SYT1: variants seen among roughly 807,000 people sequenced by gnomAD.
The protein encoded by SYT1 is synaptotagmin 1.
A neutral mutation model predicts 44.8 loss-of-function variants in SYT1; 8 were observed. The ratio of observed to expected loss-of-function variants is 0.18; its 90% CI spans 0.10 to 0.32. SYT1 has a LOEUF of 0.32. SYT1 is among the 10% of genes least tolerant of loss of function. The pLI, the probability that SYT1 is intolerant of heterozygous loss-of-function variation, is 1.00. For missense variants in SYT1, 286 were observed against 509.3 expected (o/e 0.56, Z 4.22); for synonymous variants, 154 against 188.8 (o/e 0.82, Z 1.51).
At chr12:79,290,787 G>A (rs895370804) in intron 5 of SYT1, among the ~76,000 whole-genome samples, 3 of 152,000 alleles carry the variant, frequency 2.0e-5, no homozygotes, top group African/African-American at 7.2e-5. Context: ...AAAATACAAA[G>A]AGCCTTTGCA....
At chr12:79,093,029 A>C (rs531271119) in intron 3 of SYT1, among the ~76,000 whole-genome samples, 1 of 151,910 alleles carries the variant, frequency 6.6e-6, no homozygotes, top group East Asian at 1.9e-4. Flanking sequence ...ATATCTATAA[A>C]ATTATAACTC....
chr12:79,437,809 G>A (rs1022985986), intron 9 of SYT1, among the ~76,000 whole-genome samples: 1 of 152,184 alleles, frequency 6.6e-6, no homozygotes, highest in Non-Finnish European at 1.5e-5. Context: ...AGCATAGGTT[G>A]CATTGTAGAG....
intron 3 of SYT1, among the ~76,000 whole-genome samples, chr12:79,108,616 A>T (rs552632185): frequency 1.3e-5 from 2 of 152,154 alleles, no homozygotes; most frequent in Admixed American, 6.5e-5. Flanking sequence ...ATGCATTTTT[A>T]CTTTCCTTCT....
chr12:79,271,735 A>G (rs1002553670), intron 4 of SYT1, among the ~76,000 whole-genome samples: 1 of 152,192 alleles, frequency 6.6e-6, no homozygotes, highest in Non-Finnish European at 1.5e-5. Flanking sequence ...TCAACAAAAG[A>G]CTTGCTAATA....
chr12:79,293,804 C>T (rs1033109785), intron 6 of SYT1, among the ~76,000 whole-genome samples: 3 of 152,114 alleles, frequency 2.0e-5, no homozygotes, highest in African/African-American at 4.8e-5. Context: ...ATAGCCCTGG[C>T]TAGTTATTAC....
intron 2 of SYT1, among the ~76,000 whole-genome samples, chr12:79,033,651 A>G (rs1872954286): frequency 6.6e-6 from 1 of 151,416 alleles, no homozygotes. Context: ...TCATGGCTTC[A>G]TAAGTACTCC....
intron 1 of SYT1, among the ~76,000 whole-genome samples, chr12:78,904,760 G>A (rs1186881782): frequency 6.6e-6 from 1 of 151,988 alleles, no homozygotes; most frequent in Non-Finnish European, 1.5e-5. Flanking sequence ...GACATTCTTA[G>A]TGTTCTAATA....
intron 3 of SYT1, among the ~76,000 whole-genome samples, chr12:79,206,016 C>T (rs1005632407): frequency 1.3e-5 from 2 of 151,992 alleles, no homozygotes; most frequent in Non-Finnish European, 1.5e-5. Flanking sequence ...TTTTATATAG[C>T]ACTAAGGAAG....
chr12:79,301,500 T>C (rs1461901314), intron 8 of SYT1, among the ~76,000 whole-genome samples: 1 of 152,144 alleles, frequency 6.6e-6, no homozygotes, highest in African/African-American at 2.4e-5. Flanking sequence ...ACCTAGAAAG[T>C]GGCCTAACAT....
chr12:78,929,946 G>T (rs1273551357), intron 1 of SYT1, among the ~76,000 whole-genome samples: 1 of 152,100 alleles, frequency 6.6e-6, no homozygotes, highest in East Asian at 1.9e-4. Flanking sequence ...AATAAAGAAA[G>T]CTCATGTTTC....
chr12:78,982,167 T>C (rs1293252368), intron 2 of SYT1, among the ~76,000 whole-genome samples: 1 of 152,182 alleles, frequency 6.6e-6, no homozygotes, highest in Non-Finnish European at 1.5e-5. Flanking sequence ...ACATTCAAAT[T>C]GAAGACCTGC....
At chr12:79,065,167 G>T (rs918775430) in intron 3 of SYT1, among the ~76,000 whole-genome samples, 3 of 152,092 alleles carry the variant, frequency 2.0e-5, no homozygotes, top group African/African-American at 7.2e-5. Flanking sequence ...CAGCCCAGGA[G>T]TTTGAGATCA....
rs1870999291 is a variant in SYT1 at position 79,450,555 on chromosome 12, A to G, written c.*1431A>G. On this transcript the variant is annotated 3_prime_UTR_variant, in exon 11 of 11. Coordinates refer to ENST00000261205, the MANE Select transcript of SYT1 (RefSeq NM_005639.3). ...ATGAAGCTACTAGTCATTCCATAAG[A>G]GTCTTAAAGGACTGCTCTGTGTAAC... 6.6e-6 allele frequency: 1 copy of G among 152,600 alleles called. No individual in the cohort carries two copies. Among genetic ancestry groups the G allele is most frequent in the Admixed American group, 6.5e-5 (1 of 15,274 alleles). The allele number at this position is 152,600 out of a possible 1,614,324, so 9.5% of individuals were successfully genotyped here.
At chr12:79,375,392 A>T (rs1485230469) in intron 9 of SYT1, among the ~76,000 whole-genome samples, 1 of 152,172 alleles carries the variant, frequency 6.6e-6, no homozygotes, top group South Asian at 2.1e-4. Flanking sequence ...AGTGTAGAGG[A>T]GCTGCTAAGA....
intron 2 of SYT1, among the ~76,000 whole-genome samples, chr12:79,009,659 C>A (rs1018163585): frequency 6.6e-6 from 1 of 152,162 alleles, no homozygotes; most frequent in Non-Finnish European, 1.5e-5. Flanking sequence ...TATCATCTAG[C>A]TGTTCAACTA....
intron 3 of SYT1, among the ~76,000 whole-genome samples, chr12:79,123,267 A>G (rs1868309326): frequency 6.6e-6 from 1 of 150,452 alleles, no homozygotes; most frequent in African/African-American, 2.5e-5. Context: ...CAATGGGTCC[A>G]GTACTCGGTA....
chr12:79,189,705 A>T (rs1270823539), intron 3 of SYT1, among the ~76,000 whole-genome samples: 1 of 152,162 alleles, frequency 6.6e-6, no homozygotes, highest in Non-Finnish European at 1.5e-5. Context: ...AGAGTTTGAG[A>T]CTAGCCTGGC....
chr12:79,357,705 G>A (rs1291280106), intron 9 of SYT1, among the ~76,000 whole-genome samples: 1 of 152,194 alleles, frequency 6.6e-6, no homozygotes, highest in Non-Finnish European at 1.5e-5. Flanking sequence ...CTGCAAGACT[G>A]TTCTTCAGGA....
intron 3 of SYT1, among the ~76,000 whole-genome samples, chr12:79,056,920 T>A (rs532231393): frequency 1.3e-5 from 2 of 152,134 alleles, no homozygotes; most frequent in East Asian, 3.9e-4. Flanking sequence ...TTTAAGTGGT[T>A]TTGTTGTTTG....
Sources: gnomAD v4.1 joint callset for allele counts (sites outside exome capture counted in the v4.1 genomes callset) on GRCh38, gnomAD v4.1.1 for gene constraint, MANE v1.5 for transcripts, NCBI Gene and HGNC (gene_info 2026-07-23, HGNC 2026-07-21) for gene names.